Variants in GREP1 observed in about 807,000 individuals in gnomAD.
GREP1 encodes glycine-rich extracellular protein 1.
chr16:2,995,401 G>C lies in GREP1; in HGVS notation c.518-1G>C, dbSNP rs996616564. 1.8e-5 allele frequency: 7 copies of C among 398,826 alleles called. No homozygotes were observed. The highest frequency in any genetic ancestry group is 1.0e-4 in the African/African-American group (5 of 48,600). 24.7% of individuals were successfully genotyped at this position (398,826 alleles called of 1,614,324 possible). On this transcript the variant is annotated splice_acceptor_variant, in intron 14 of 34. Coordinates refer to ENST00000573315, the Ensembl canonical transcript of GREP1. LOFTEE classifies it high-confidence loss of function. ...CACCCCCACCTCCATCTGTCCCCCA[G>C]GATTAGGGAATGGGAATGGGCTGAG...
rs553631012 is a variant in GREP1, at chr16:2,989,495, C to G, written c.101-28C>G. 2 of 399,218 alleles carry G rather than the reference C, an allele frequency of 5.0e-6. No homozygotes were observed. Among genetic ancestry groups the G allele is most frequent in the East Asian group, 7.1e-5 (2 of 28,072 alleles). 24.7% of individuals were successfully genotyped at this position (399,218 alleles called of 1,614,324 possible). A position where few individuals can be genotyped will look rare whatever the true frequency, so the allele number is the denominator to read the frequency against. On this transcript the variant is annotated intron_variant, in intron 2 of 34. Transcript: ENST00000573315. This position sits in a 1 kb window ranked among gnomAD's most constrained non-coding sequence, Gnocchi z 4.2. ...CCGGCTCCCAGCTGCTCCAGCACCC[C>G]GGGCTCAACATCTCACTTCTCCCAC...
rs910532795 is a variant in GREP1, at chr16:2,989,681, G to A, written c.130+129G>A. On this transcript the variant is annotated intron_variant, in intron 3 of 34. Transcript: ENST00000573315. The surrounding 1 kb of genome is among the most constrained non-coding windows in gnomAD (Gnocchi z 4.2). ...GAAGCAGTCGTCTCAGAAATACATG[G>A]GGACAGAGCATAGCCCCAGAGTGTC... The A allele has an allele frequency of 2.5e-6, 1 of 399,318 alleles. No individual in the cohort carries two copies. Among genetic ancestry groups the A allele is most frequent in the Admixed American group, 4.4e-5 (1 of 22,738 alleles). The allele number at this position is 399,318 out of a possible 1,614,324, so 24.7% of individuals were successfully genotyped here. A position where few individuals can be genotyped will look rare whatever the true frequency, so the allele number is the denominator to read the frequency against.
rs547969777 is a variant in GREP1 at position 2,989,797 on chromosome 16, AGAGGGAAGGAGG to A, written c.131-164_131-153del. ...AGGAAAGAGAGCAGAAAGGAAGGAG[AGAGGGAAGGAGG>A]GAGGGAAGGAGGCTGATAGCACCCA... On this transcript the variant is annotated intron_variant, in intron 3 of 34. Coordinates refer to ENST00000573315, the Ensembl canonical transcript of GREP1. This position sits in a 1 kb window ranked among gnomAD's most constrained non-coding sequence, Gnocchi z 4.2. 6.6e-6 allele frequency among the ~76,000 whole-genome samples: 1 copy of A among 151,232 alleles called. No individual in the cohort carries two copies. Among genetic ancestry groups the A allele is most frequent in the South Asian group, 2.1e-4 (1 of 4,802 alleles).
exon 5 of GREP1, chr16:2,990,094 G>T: frequency 2.5e-6 from 1 of 399,290 alleles, no homozygotes; most frequent in Non-Finnish European, 4.4e-6. Flanking sequence ...CAGGATTCGT[G>T]GTCAGGCATG....
Position 2,989,354 on chromosome 16 carries a change from C to A in GREP1, c.101-169C>A, listed in dbSNP as rs1298436203. ...AAGGGAGGTGGCATCCAGATTTGGG[C>A]CCCTTTGTCCCCTTGTAAGTTCCCC... On this transcript the variant is annotated intron_variant, in intron 2 of 34. Coordinates refer to ENST00000573315, the Ensembl canonical transcript of GREP1. The surrounding 1 kb of genome is among the most constrained non-coding windows in gnomAD (Gnocchi z 4.2). The A allele has an allele frequency of 1.0e-5, 4 of 397,354 alleles. No homozygotes were observed. Among genetic ancestry groups the A allele is most frequent in the Non-Finnish European group, 1.8e-5 (4 of 225,662 alleles). The allele number at this position is 397,354 out of a possible 1,614,324, so 24.6% of individuals were successfully genotyped here. A position where few individuals can be genotyped will look rare whatever the true frequency, so the allele number is the denominator to read the frequency against.
chr16:2,998,859 G>T (rs901524830), exon 26 of GREP1: 4 of 398,998 alleles, frequency 1.0e-5, no homozygotes, highest in Non-Finnish European at 1.8e-5. Flanking sequence ...TCCCTGCAAT[G>T]CGAGGGTCGC....
chr16:2,990,475 C>T, exon 6 of GREP1: 1 of 399,460 alleles, frequency 2.5e-6, no homozygotes, highest in Non-Finnish European at 4.4e-6. Context: ...GGGCATGAAA[C>T]CCCAAAACCT....
Position 3,001,372 on chromosome 16 carries a change from A to AG in GREP1, c.1585+40dup, listed in dbSNP as rs1596463895. ...CGCAATGGCCGAGCCGCCTGCCCAA[A>AG]GGCCCCCCGTGGTCACCCCTCCAGC... is the stretch of plus-strand genomic sequence containing the variant. On this transcript the variant is annotated intron_variant, in intron 34 of 34. Coordinates refer to ENST00000573315, the Ensembl canonical transcript of GREP1. 1.3e-5 allele frequency: 5 copies of AG among 399,078 alleles called. No homozygotes were observed. The East Asian group carries it at 1.8e-4, about 14-fold the overall frequency. The allele number at this position is 399,078 out of a possible 1,614,324, so 24.7% of individuals were successfully genotyped here.
exon 35 of GREP1, chr16:3,001,604 G>A (rs943926485): frequency 5.0e-6 from 2 of 399,198 alleles, no homozygotes; most frequent in Middle Eastern, 6.3e-4. Flanking sequence ...AATGCCCCTC[G>A]CCTGCCCAGC....
intron 13 of GREP1, 26 bp from the exon 15 acceptor site, chr16:2,995,258 C>T (rs1396582457): frequency 7.5e-6 from 3 of 398,936 alleles, no homozygotes; most frequent in Non-Finnish European, 1.3e-5. Flanking sequence ...TCCTAGGTAC[C>T]TCATCTGCTC....
rs143190220 is a variant in GREP1, at chr16:2,997,234, C to T, written c.886+149C>T. ...TCGGGCTGATGTCCCTGTCTCCCTCCCAGGCCTCCAGAGCAGGTGGACACC... is the reference window on the plus strand; with the variant it reads ...TCGGGCTGATGTCCCTGTCTCCCTCTCAGGCCTCCAGAGCAGGTGGACACC... On this transcript the variant is annotated intron_variant, in intron 21 of 34. Coordinates refer to ENST00000573315, the Ensembl canonical transcript of GREP1. The T allele has an allele frequency of 5.7e-4, 228 of 398,954 alleles. 1 individual carries two copies. Among genetic ancestry groups the T allele is most frequent in the African/African-American group, 4.0e-3 (196 of 48,730 alleles). 24.7% of individuals were successfully genotyped at this position (398,954 alleles called of 1,614,324 possible).
At chr16:2,988,895 A>G (rs2072384786) in intron 2 of GREP1, 2 of 377,852 alleles carry the variant, frequency 5.3e-6, no homozygotes, top group Non-Finnish European at 9.4e-6. Flanking sequence ...GGAGGGGCGG[A>G]CCCACCGGCA....
chr16:3,001,834 C>A, exon 35 of GREP1: 1 of 392,114 alleles, frequency 2.6e-6, no homozygotes, highest in Non-Finnish European at 4.5e-6. Flanking sequence ...ATGTTCCCAA[C>A]AGGAGAAATC....
At chr16:3,001,100 C>T (rs2151116276) in intron 33 of GREP1, among the ~76,000 whole-genome samples, 181 bp from the exon 28 acceptor site, 1 of 152,062 alleles carries the variant, frequency 6.6e-6, no homozygotes, top group Non-Finnish European at 1.5e-5. Context: ...GGAACGAGGG[C>T]CATCACGGAC....
chr16:2,996,453 T>TCCGAATG (rs1164891639), intron 18 of GREP1, 43 bp from the exon 18 acceptor site: 1 of 398,380 alleles, frequency 2.5e-6, no homozygotes, highest in Non-Finnish European at 4.4e-6. Flanking sequence ...TGACACCCCC[T>TCCGAATG]CCGAATGCCG....
chr16:2,996,713 G>T lies in GREP1; in HGVS notation c.745+8G>T. On this transcript the variant is annotated splice_region_variant and intron_variant, in intron 20 of 34. Coordinates refer to ENST00000573315, the Ensembl canonical transcript of GREP1. The stretch of plus-strand genomic sequence containing the variant: ...TGAAGCCTCAGATGCCAGGTGAGGG[G>T]ACTGCCTGTGTCTGTGGCCCCACCT... The T allele has an allele frequency of 2.5e-6, 1 of 398,826 alleles. No homozygotes were observed. 24.7% of individuals were successfully genotyped at this position (398,826 alleles called of 1,614,324 possible).
exon 35 of GREP1, chr16:3,001,786 C>T (rs533685463): frequency 3.3e-5 from 13 of 396,730 alleles, no homozygotes; most frequent in African/African-American, 2.3e-4. Context: ...CTCATTCATT[C>T]ATTTGGCAAA....
chr16:2,998,208 C>T (rs935990893), intron 23 of GREP1, 148 bp from the exon 22 acceptor site: 21 of 397,760 alleles, frequency 5.3e-5, no homozygotes, highest in Middle Eastern at 6.2e-4. Flanking sequence ...ATGCCCTGCT[C>T]TCCCTCCCAG....
rs2072405316 is a variant in GREP1 at position 2,992,727 on chromosome 16, A to G, written c.323-78A>G. ...AGGGCAGGGGTCACGCGAGACAGAAAGGGAGAGGGCAGGGCTCCAGGCCCC... is the reference window on the plus strand; with the variant it reads ...AGGGCAGGGGTCACGCGAGACAGAAGGGGAGAGGGCAGGGCTCCAGGCCCC... On this transcript the variant is annotated intron_variant, in intron 8 of 34. Coordinates refer to ENST00000573315, the Ensembl canonical transcript of GREP1. The surrounding 1 kb of genome is among the most constrained non-coding windows in gnomAD (Gnocchi z 4.9). 1 of 398,614 alleles carries G rather than the reference A, an allele frequency of 2.5e-6. No individual in the cohort carries two copies. The highest frequency in any genetic ancestry group is 4.4e-6 in the Non-Finnish European group (1 of 225,928). 24.7% of individuals were successfully genotyped at this position (398,614 alleles called of 1,614,324 possible).
Sources: allele counts gnomAD v4.1 joint callset (sites outside exome capture counted in the v4.1 genomes callset), GRCh38; gene constraint gnomAD v4.1.1; non-coding constraint Gnocchi (gnomAD v3.1); transcripts MANE v1.5; gene names NCBI Gene and HGNC (gene_info 2026-07-23, HGNC 2026-07-21).